TENM2: variants seen among roughly 807,000 people sequenced by gnomAD.
TENM2 encodes the protein teneurin-2.
A neutral mutation model predicts 245.2 loss-of-function variants in TENM2; 52 were observed. That is an observed-to-expected ratio of 0.21 (90% CI 0.17 to 0.27). The LOEUF (loss-of-function observed/expected upper bound fraction) is 0.27. TENM2 is among the 10% of genes least tolerant of loss of function. TENM2 has a pLI of 1.00. For synonymous variants in TENM2, 1,363 were observed against 1,438.9 expected, an observed-to-expected ratio of 0.95 and a Z score of 1.19; for missense variants, 3,046 against 3,666.8, an observed-to-expected ratio of 0.83 and a Z score of 4.37.
chr5:167,710,281 A>G (rs906840878), intron 2 of TENM2, among the ~76,000 whole-genome samples: 4 of 152,162 alleles, frequency 2.6e-5, no homozygotes, highest in Admixed American at 1.3e-4. Context: ...AATACATACT[A>G]TTTGACATGA....
chr5:167,702,552 G>GTGTATATATATATA (rs58351767), intron 2 of TENM2, among the ~76,000 whole-genome samples: 35 of 136,772 alleles, frequency 2.6e-4, no homozygotes, highest in Non-Finnish European at 4.9e-4. Flanking sequence ...GTGTGTGTGT[G>GTGTATATATATATA]TATATATATA....
intron 2 of TENM2, chr5:167,653,256 T>C (rs1754598261): frequency 6.6e-6 from 1 of 152,070 alleles, no homozygotes; most frequent in Non-Finnish European, 1.5e-5. Flanking sequence ...ATATATTTAT[T>C]TCTTTTTCTT....
intron 2 of TENM2, among the ~76,000 whole-genome samples, chr5:167,452,950 T>TATATATATATATATATTTTAA (rs1554157772): frequency 1.9e-4 from 19 of 99,644 alleles, no homozygotes; most frequent in African/African-American, 6.4e-4. Flanking sequence ...TATATATATA[T>TATATATATATATATATTTTAA]ATATATATAT....
At chr5:167,880,809 T>C (rs1370467323) in intron 3 of TENM2, among the ~76,000 whole-genome samples, 1 of 152,216 alleles carries the variant, frequency 6.6e-6, no homozygotes, top group African/African-American at 2.4e-5. Flanking sequence ...AGAAAAACCT[T>C]AGTTCTTATA....
intron 2 of TENM2, among the ~76,000 whole-genome samples, chr5:167,502,307 A>G (rs1463392641): frequency 6.6e-6 from 1 of 152,220 alleles, no homozygotes; most frequent in Admixed American, 6.6e-5. Context: ...GACTATAAGC[A>G]GCCAAATTAT....
chr5:167,185,716 T>TG, the TENM2 span, among the ~76,000 whole-genome samples: 1 of 152,084 alleles, frequency 6.6e-6, no homozygotes, highest in African/African-American at 2.4e-5. Context: ...AAGGTCATTT[T>TG]TTTTTTGGCT....
At chr5:168,222,252 G>A (rs1224837532) in intron 23 of TENM2, among the ~76,000 whole-genome samples, 3 of 152,204 alleles carry the variant, frequency 2.0e-5, no homozygotes, top group African/African-American at 7.2e-5. Context: ...ACCTCCCAGT[G>A]CTGCCTGCTG....
intron 6 of TENM2, among the ~76,000 whole-genome samples, chr5:168,050,061 C>T (rs113237596): frequency 2.0e-5 from 3 of 152,142 alleles, no homozygotes; most frequent in African/African-American, 2.4e-5. Flanking sequence ...TCTCGGCCCC[C>T]CAAAGTGCTG....
In TENM2 at chr5:168,196,754, C is replaced by G. The variant is rs140112073; in HGVS notation, c.2900+1459C>G. Among the ~76,000 whole-genome samples the G allele has an allele frequency of 9.2e-5, 14 of 152,318 alleles. No homozygotes were observed. The East Asian group carries it at 2.7e-3, about 29-fold the overall frequency. Reference sequence around the variant, plus strand: ...TGGGATTACAGGCGTGAGCCACCGCCCCCAGGCCAGTGTTCTTGAAGAACT... The same window carrying G: ...TGGGATTACAGGCGTGAGCCACCGCGCCCAGGCCAGTGTTCTTGAAGAACT... On this transcript the variant is annotated intron_variant, in intron 15 of 28. Transcript: ENST00000518659.
At chr5:167,834,874 T>C (rs945621450) in intron 2 of TENM2, among the ~76,000 whole-genome samples, 1 of 152,048 alleles carries the variant, frequency 6.6e-6, no homozygotes, top group Admixed American at 6.6e-5. Flanking sequence ...ATGGTCTCGA[T>C]CTCCTGACCT....
intron 13 of TENM2, among the ~76,000 whole-genome samples, chr5:168,172,581 C>T (rs531358349): frequency 1.3e-5 from 2 of 152,178 alleles, no homozygotes; most frequent in Non-Finnish European, 2.9e-5. Context: ...CCTCTGGGCC[C>T]CTCACAGCAC....
Position 168,218,236 on chromosome 5 carries a change from A to C in TENM2, c.4345A>C (p.Ile1449Leu), listed in dbSNP as rs1763370837. ...CACCGAGAACCACCAAGTCAGCATCATTGCGGGACGCCCCATGCACTGCCA... is the reference window on the plus strand; with the variant it reads ...CACCGAGAACCACCAAGTCAGCATCCTTGCGGGACGCCCCATGCACTGCCA... The change falls in exon 23 of 29, where the codon ATT becomes CTT. Residue 1449 changes from isoleucine to leucine, a missense_variant. This residue lies in a region of TENM2 where 2,704 missense variants were observed against 3,331.9 expected (regional missense o/e 0.81). Coordinates refer to ENST00000518659, the Ensembl canonical transcript of TENM2. This position sits in a 1 kb window ranked among gnomAD's most constrained non-coding sequence, Gnocchi z 5.2. The C allele has an allele frequency of 6.2e-7, 1 of 1,613,708 alleles. No individual in the cohort carries two copies. Among genetic ancestry groups the C allele is most frequent in the Non-Finnish European group, 8.5e-7 (1 of 1,179,872 alleles).
chr5:167,503,648 C>CT (rs1769358130), intron 2 of TENM2, among the ~76,000 whole-genome samples: 1 of 152,040 alleles, frequency 6.6e-6, no homozygotes, highest in Admixed American at 6.6e-5. Context: ...AATCCCAGCA[C>CT]TTTCAGAGAA....
the TENM2 span, among the ~76,000 whole-genome samples, chr5:166,985,180 G>A: frequency 2.6e-5 from 4 of 151,898 alleles, no homozygotes; most frequent in South Asian, 2.1e-4. Context: ...AACTATCCAC[G>A]CATCCTCTTC....
At chr5:168,241,630 A>G (rs1766111192) in intron 25 of TENM2, among the ~76,000 whole-genome samples, 1 of 152,066 alleles carries the variant, frequency 6.6e-6, no homozygotes, top group African/African-American at 2.4e-5. Context: ...ACCTTATAGA[A>G]ACAGCAATGG....
At chr5:167,709,277 T>C (rs1450930299) in intron 2 of TENM2, among the ~76,000 whole-genome samples, 1 of 152,226 alleles carries the variant, frequency 6.6e-6, no homozygotes, top group Non-Finnish European at 1.5e-5. Flanking sequence ...TTTACTCTAA[T>C]TTTCTCACCA....
At chr5:167,364,249 A>C (rs1316921523) in intron 1 of TENM2, among the ~76,000 whole-genome samples, 3 of 152,138 alleles carry the variant, frequency 2.0e-5, no homozygotes, top group Non-Finnish European at 4.4e-5. Flanking sequence ...TTAGAATGCT[A>C]AATAGACTGG....
intron 2 of TENM2, among the ~76,000 whole-genome samples, chr5:167,719,806 A>G (rs1165356752): frequency 5.9e-5 from 9 of 152,192 alleles, no homozygotes; most frequent in Admixed American, 5.9e-4. Context: ...TCTAGTGGAT[A>G]GAATCCAGGG....
intron 5 of TENM2, among the ~76,000 whole-genome samples, chr5:168,032,304 C>T (rs1015964268): frequency 6.6e-6 from 1 of 152,196 alleles, no homozygotes; most frequent in African/African-American, 2.4e-5. Flanking sequence ...TTCGTGTTAG[C>T]TATGATTCTT....
Sources: gnomAD v4.1 joint callset for allele counts (sites outside exome capture counted in the v4.1 genomes callset) on GRCh38, gnomAD v4.1.1 for gene constraint, gnomAD v4.1.1 regional missense constraint, Gnocchi (gnomAD v3.1) non-coding constraint, MANE v1.5 for transcripts, NCBI Gene and HGNC (gene_info 2026-07-23, HGNC 2026-07-21) for gene names.